The following TNFRSF19 variants were observed in gnomAD, a reference collection of about 807,000 sequenced individuals.
TNFRSF19 encodes the protein tumor necrosis factor receptor superfamily member 19.
TNFRSF19 carries 27 observed loss-of-function variants against 46.4 expected under a neutral mutation model. The ratio of observed to expected loss-of-function variants is 0.58; its 90% confidence interval spans 0.43 to 0.80. TNFRSF19 has a LOEUF of 0.80. Ranked by LOEUF, TNFRSF19 falls within the 30% of genes least tolerant of loss-of-function variation. The pLI, the probability that TNFRSF19 is intolerant of heterozygous loss-of-function variation, is 0.00. For synonymous variants in TNFRSF19, 204 were observed against 205.0 expected (o/e 1.00, Z 0.04); for missense variants, 511 against 530.8 (o/e 0.96, Z 0.37).
rs79791874 is a variant in TNFRSF19 at position 23,581,000 on chromosome 13, T to C, written c.-34-9150T>C. Among the ~76,000 whole-genome samples the C allele has an allele frequency of 6.3e-3, 964 of 152,370 alleles. 9 individuals carry two copies. Among genetic ancestry groups the C allele is most frequent in the African/African-American group, 0.022 (916 of 41,578 alleles). On this transcript the variant is annotated intron_variant, in intron 1 of 9. Coordinates refer to ENST00000248484, the MANE Select transcript of TNFRSF19 (RefSeq NM_148957.4). ...ATTTTCAGAGCAATCATAAAAGTTATTTGTTTCTTTGGCCGGAGTGTGTCT... is the reference window on the plus strand; with the variant it reads ...ATTTTCAGAGCAATCATAAAAGTTACTTGTTTCTTTGGCCGGAGTGTGTCT...
At chr13:23,574,798 T>G (rs1484529772) in intron 1 of TNFRSF19, among the ~76,000 whole-genome samples, 2 of 152,218 alleles carry the variant, frequency 1.3e-5, no homozygotes, top group Non-Finnish European at 2.9e-5. Context: ...TAATTTCTCC[T>G]CTACTGTCAC....
At chr13:23,657,076 T>C (rs561189307) in intron 5 of TNFRSF19, among the ~76,000 whole-genome samples, 20 of 152,196 alleles carry the variant, frequency 1.3e-4, no homozygotes, top group Admixed American at 3.9e-4. Context: ...ATATTAAACA[T>C]GTTTACAAAT....
chr13:23,598,986 A>G (rs1879930817), intron 3 of TNFRSF19, among the ~76,000 whole-genome samples: 1 of 152,260 alleles, frequency 6.6e-6, no homozygotes, highest in East Asian at 1.9e-4. Flanking sequence ...TATAAACAGC[A>G]GGAAACAAAG....
chr13:23,607,010 A>G (rs1424184837), intron 3 of TNFRSF19, among the ~76,000 whole-genome samples: 2 of 152,250 alleles, frequency 1.3e-5, no homozygotes, highest in Non-Finnish European at 2.9e-5. Context: ...ATTACATTTA[A>G]CTGGCTAATT....
Position 23,620,201 on chromosome 13 carries a change from TAGTTGG to T in TNFRSF19, c.359+4158_359+4163del, listed in dbSNP as rs538755000. Reference sequence around the variant, plus strand: ...ACTGTACTTCTGTGAAGAAACCAAATAGTTGGAACCCATTTTATAAACAGAAAAACT... The same window carrying T: ...ACTGTACTTCTGTGAAGAAACCAAATAACCCATTTTATAAACAGAAAAACT... On this transcript the variant is annotated intron_variant, in intron 4 of 9. Transcript: ENST00000248484. Among the ~76,000 whole-genome samples, 63 of 152,294 alleles carry T rather than the reference TAGTTGG, an allele frequency of 4.1e-4. 2 individuals carry two copies. The Middle Eastern group carries it at 0.01, about 25-fold the overall frequency.
intron 5 of TNFRSF19, among the ~76,000 whole-genome samples, chr13:23,638,252 G>A (rs9580705): frequency 1.3e-5 from 2 of 151,988 alleles, no homozygotes; most frequent in Non-Finnish European, 2.9e-5. Flanking sequence ...AAACACTGTA[G>A]GTAATCTGCT....
chr13:23,629,935 G>A (rs1882246021), intron 5 of TNFRSF19, among the ~76,000 whole-genome samples: 1 of 152,140 alleles, frequency 6.6e-6, no homozygotes, highest in African/African-American at 2.4e-5. Context: ...TTTGTCTTCT[G>A]GGGCTTCACC....
chr13:23,589,106 G>A (rs1879065970), intron 1 of TNFRSF19, among the ~76,000 whole-genome samples: 1 of 152,036 alleles, frequency 6.6e-6, no homozygotes, highest in Non-Finnish European at 1.5e-5. Flanking sequence ...TAAGTCAGAT[G>A]ATCCACTTGG....
chr13:23,652,144 T>C (rs1432753668), intron 5 of TNFRSF19, among the ~76,000 whole-genome samples: 1 of 152,154 alleles, frequency 6.6e-6, no homozygotes, highest in Non-Finnish European at 1.5e-5. Flanking sequence ...CAGCTAACTT[T>C]TGTACAAAAG....
At chr13:23,613,915 A>T (rs1179350747) in intron 3 of TNFRSF19, among the ~76,000 whole-genome samples, 1 of 152,192 alleles carries the variant, frequency 6.6e-6, no homozygotes, top group East Asian at 1.9e-4. Flanking sequence ...ATGCATCTTT[A>T]TTGTTTTCCT....
At chr13:23,609,596 C>G (rs973739598) in intron 3 of TNFRSF19, among the ~76,000 whole-genome samples, 1 of 152,188 alleles carries the variant, frequency 6.6e-6, no homozygotes, top group Non-Finnish European at 1.5e-5. Flanking sequence ...CTTCAAGTCT[C>G]TGGCACAGTT....
intron 1 of TNFRSF19, among the ~76,000 whole-genome samples, chr13:23,575,486 C>G (rs143648201): frequency 6.6e-6 from 1 of 152,188 alleles, no homozygotes; most frequent in Non-Finnish European, 1.5e-5. Flanking sequence ...ATTGGCCTCA[C>G]GGTGCTCCCT....
At position 23,671,924 on chromosome 13, in the gene TNFRSF19, T is replaced by G. The variant is rs530310482; in HGVS notation, c.1246-1448T>G. On this transcript the variant is annotated intron_variant, in intron 9 of 9. Coordinates refer to ENST00000248484, the MANE Select transcript of TNFRSF19 (RefSeq NM_148957.4). ...ATTATGAACCAAAGCACAGGGCTTC[T>G]TGTTAATTTTATCCATTCCACAGGT... 3.9e-5 allele frequency among the ~76,000 whole-genome samples: 6 copies of G among 152,360 alleles called. 1 individual carries two copies. The South Asian group carries it at 1.2e-3, about 32-fold the overall frequency.
At chr13:23,613,404 T>A (rs1881037596) in intron 3 of TNFRSF19, among the ~76,000 whole-genome samples, 1 of 152,198 alleles carries the variant, frequency 6.6e-6, no homozygotes, top group African/African-American at 2.4e-5. Flanking sequence ...CAAACTCATG[T>A]CTCTTTAGAT....
At chr13:23,600,810 T>A (rs542883504) in intron 3 of TNFRSF19, among the ~76,000 whole-genome samples, 1 of 152,268 alleles carries the variant, frequency 6.6e-6, no homozygotes, top group East Asian at 1.9e-4. Flanking sequence ...TGCCCTTTCC[T>A]TCACATCTCA....
At chr13:23,572,471 G>A (rs1402394838) in intron 1 of TNFRSF19, among the ~76,000 whole-genome samples, 1 of 152,084 alleles carries the variant, frequency 6.6e-6, no homozygotes, top group African/African-American at 2.4e-5. Flanking sequence ...TCTGAAACTT[G>A]CTCATTTAGT....
rs1385650438 is a variant in TNFRSF19 at position 23,668,039 on chromosome 13, A to G, written c.796A>G (p.Thr266Ala). The change falls in exon 8 of 10, where the codon ACT (threonine) becomes GCT (alanine). Residue 266 changes from threonine (T) to alanine (A), a missense_variant. This residue lies in a region of TNFRSF19 where 376 missense variants were observed against 372.7 expected (regional missense o/e 1.01). Transcript: ENST00000248484. ...GGAGGCCTGCAGCCCCAACCCGGCG[A>G]CTCTTGGTTGTGGGGTGCATTCTGC... Reference protein sequence around the residue: ...CEEACSPNPATLGCGVHSAAS... With the variant: ...CEEACSPNPAALGCGVHSAAS... The G allele has an allele frequency of 1.2e-6, 2 of 1,609,762 alleles. No homozygotes were observed. The highest frequency in any genetic ancestry group is 1.7e-6 in the Non-Finnish European group (2 of 1,178,400).
chr13:23,624,069 G>T (rs906050639), intron 4 of TNFRSF19, among the ~76,000 whole-genome samples: 1 of 152,090 alleles, frequency 6.6e-6, no homozygotes, highest in African/African-American at 2.4e-5. Context: ...TCTTCTAGGA[G>T]TTTTATAGTT....
At chr13:23,607,318 C>T (rs1351554725) in intron 3 of TNFRSF19, among the ~76,000 whole-genome samples, 1 of 152,128 alleles carries the variant, frequency 6.6e-6, no homozygotes, top group East Asian at 1.9e-4. Context: ...CCTTTAATCC[C>T]AGCTACTCAG....
Sources: allele counts gnomAD v4.1 joint callset (sites outside exome capture counted in the v4.1 genomes callset), GRCh38; gene constraint gnomAD v4.1.1; regional missense constraint gnomAD v4.1.1; transcripts MANE v1.5; gene names NCBI Gene and HGNC (gene_info 2026-07-23, HGNC 2026-07-21).